ABCC4: variants seen among roughly 807,000 people sequenced by gnomAD.
ABCC4 encodes ATP-binding cassette sub-family C member 4.
ABCC4 carries 102 observed loss-of-function variants against 168.5 expected under a neutral mutation model. The observed-to-expected ratio is 0.61, with a 90% CI of 0.52 to 0.71. The LOEUF is 0.71. Ranked by LOEUF, ABCC4 falls within the 30% of genes least tolerant of loss-of-function variation. The pLI, the probability that ABCC4 is intolerant of heterozygous loss-of-function variation, is 0.00. For synonymous variants in ABCC4, 617 were observed against 590.7 expected (o/e 1.04, Z -0.65); for missense variants, 1,402 against 1,605.8 (o/e 0.87, Z 2.17).
intron 3 of ABCC4, among the ~76,000 whole-genome samples, chr13:95,235,340 T>A (rs1428030405): frequency 6.6e-6 from 1 of 152,220 alleles, no homozygotes; most frequent in Non-Finnish European, 1.5e-5. Context: ...AATAAAGTTT[T>A]AGTACATTGT....
intron 20 of ABCC4, among the ~76,000 whole-genome samples, chr13:95,115,557 A>T (rs2035345882): frequency 6.6e-6 from 1 of 151,164 alleles, no homozygotes; most frequent in Non-Finnish European, 1.5e-5. Context: ...ACAATGCATA[A>T]TTTAGTTAAT....
At chr13:95,109,391 A>AAC (rs61165942) in intron 20 of ABCC4, among the ~76,000 whole-genome samples, 29,078 of 150,318 alleles carry the variant, frequency 0.19, 2,844 homozygotes, top group Middle Eastern at 0.29. Flanking sequence ...CAGGTGTGCA[A>AAC]ACACACACAC....
intron 7 of ABCC4, 145 bp from the exon 8 acceptor site, chr13:95,206,926 A>C (rs1411657427): frequency 3.3e-6 from 3 of 904,394 alleles, no homozygotes; most frequent in African/African-American, 3.3e-5. Flanking sequence ...ACAACAACAA[A>C]AAAGTGCAAA....
In ABCC4 at chr13:95,075,568, A is replaced by G. The variant is rs2033870661; in HGVS notation, c.2687-17T>C. The G allele has an allele frequency of 6.2e-7, 1 of 1,613,804 alleles. No homozygotes were observed. The highest frequency in any genetic ancestry group is 1.3e-5 in the African/African-American group (1 of 74,916). ...GACTCCGAGCTGGGGAAACAGACAG[A>G]GAAAACAGCTCAGTGAGGCTGGGTG... is the stretch of plus-strand genomic sequence containing the variant. On this transcript the variant is annotated splice_polypyrimidine_tract_variant and intron_variant, in intron 21 of 30. Coordinates refer to ENST00000645237, the MANE Select transcript of ABCC4 (RefSeq NM_005845.5).
At chr13:95,164,640 T>G in intron 15 of ABCC4, 122 bp from the exon 16 acceptor site, 15 of 982,116 alleles carry the variant, frequency 1.5e-5, no homozygotes, top group Non-Finnish European at 2.1e-5. Flanking sequence ...ATCCATCTCC[T>G]GTGGAGAAGG....
At chr13:95,285,330 C>A (rs796218187) in intron 1 of ABCC4, among the ~76,000 whole-genome samples, 3 of 152,142 alleles carry the variant, frequency 2.0e-5, no homozygotes, top group African/African-American at 7.2e-5. Flanking sequence ...GCGGGAGGAT[C>A]ACTTGAGGAC....
intron 19 of ABCC4, among the ~76,000 whole-genome samples, chr13:95,133,108 CTT>C (rs761691210): frequency 3.3e-4 from 37 of 110,648 alleles, no homozygotes; most frequent in Non-Finnish European, 3.2e-4. Context: ...GATTTTAAAA[CTT>C]TTTTTTTTTT....
chr13:95,127,936 C>CA (rs201559847), intron 19 of ABCC4, among the ~76,000 whole-genome samples: 26 of 150,022 alleles, frequency 1.7e-4, no homozygotes, highest in Admixed American at 3.3e-4. Context: ...TTTCAACATG[C>CA]AAAAAAAAAG....
intron 1 of ABCC4, among the ~76,000 whole-genome samples, chr13:95,252,329 C>A (rs981572517): frequency 4.7e-4 from 72 of 152,138 alleles, no homozygotes; most frequent in Non-Finnish European, 2.9e-5. Flanking sequence ...ATTTTATTAT[C>A]ATTGTTAATC....
chr13:95,206,910 T>A, intron 7 of ABCC4, 129 bp from the exon 8 acceptor site: 2 of 1,023,774 alleles, frequency 2.0e-6, no homozygotes, highest in Non-Finnish European at 2.9e-6. Context: ...GAGACCATCC[T>A]GGGCAACAAC....
At chr13:95,108,585 C>G (rs2035087359) in intron 20 of ABCC4, among the ~76,000 whole-genome samples, 1 of 152,134 alleles carries the variant, frequency 6.6e-6, no homozygotes. Context: ...CCTTCACCTT[C>G]CACCATGTGA....
intron 11 of ABCC4, among the ~76,000 whole-genome samples, chr13:95,184,014 T>C (rs868625540): frequency 6.6e-6 from 1 of 152,180 alleles, no homozygotes; most frequent in African/African-American, 2.4e-5. Flanking sequence ...CTACCGAGGA[T>C]GGAACCATGC....
intron 11 of ABCC4, among the ~76,000 whole-genome samples, chr13:95,181,601 G>A (rs1364479274): frequency 6.6e-6 from 1 of 152,198 alleles, no homozygotes; most frequent in South Asian, 2.1e-4. Flanking sequence ...TCAGCTCCTG[G>A]ATGTAAGAGC....
At chr13:95,257,385 C>T (rs776953971) in intron 1 of ABCC4, among the ~76,000 whole-genome samples, 1 of 152,070 alleles carries the variant, frequency 6.6e-6, no homozygotes, top group African/African-American at 2.4e-5. Flanking sequence ...AAAATCTGCA[C>T]GTAGGCCGGG....
At chr13:95,075,285 T>G in intron 22 of ABCC4, 147 bp downstream of exon 22, 1 of 987,462 alleles carries the variant, frequency 1.0e-6, no homozygotes, top group Non-Finnish European at 1.5e-6. Flanking sequence ...AAGAAGGGGA[T>G]GGGGAAGGAG....
chr13:95,176,015 A>G (rs1200631256), intron 13 of ABCC4, among the ~76,000 whole-genome samples: 2 of 151,724 alleles, frequency 1.3e-5, no homozygotes, highest in Non-Finnish European at 2.9e-5. Flanking sequence ...CTCTGCTTCT[A>G]CTATTTCTTT....
At chr13:95,197,898 T>C (rs2038505856) in intron 8 of ABCC4, among the ~76,000 whole-genome samples, 1 of 152,112 alleles carries the variant, frequency 6.6e-6, no homozygotes, top group African/African-American at 2.4e-5. Context: ...CCTAAAAACT[T>C]CGCAATAAAA....
At chr13:95,160,774 G>C (rs919456711) in intron 19 of ABCC4, among the ~76,000 whole-genome samples, 1 of 152,172 alleles carries the variant, frequency 6.6e-6, no homozygotes, top group South Asian at 2.1e-4. Context: ...TCACGTCAGA[G>C]CATTCCTGAT....
At chr13:95,300,194 G>A (rs2041639117) in intron 1 of ABCC4, among the ~76,000 whole-genome samples, 1 of 152,104 alleles carries the variant, frequency 6.6e-6, no homozygotes, top group South Asian at 2.1e-4. Context: ...TTGTTTCCTT[G>A]CACAAAATGG....
Sources: gnomAD v4.1 joint callset for allele counts (sites outside exome capture counted in the v4.1 genomes callset) on GRCh38, gnomAD v4.1.1 for gene constraint, MANE v1.5 for transcripts, NCBI Gene and HGNC (gene_info 2026-07-23, HGNC 2026-07-21) for gene names.